TRIM75: variants seen among roughly 807,000 people sequenced by gnomAD.
TRIM75 encodes the protein tripartite motif-containing protein 75.
the TRIM75 span, chr4:165,059,141 C>T: frequency 1.6e-5 from 12 of 767,508 alleles, no homozygotes; most frequent in Non-Finnish European, 2.2e-5. Flanking sequence ...CCTTCACCGA[C>T]AGCCCAATGG....
chr4:165,055,650 G>A, the TRIM75 span, among the ~76,000 whole-genome samples: 2 of 152,278 alleles, frequency 1.3e-5, no homozygotes, highest in Non-Finnish European at 2.9e-5. Flanking sequence ...AGGCCAGAGG[G>A]GAAGCCTGAA....
At chr4:165,059,934 A>G in the TRIM75 span, 16 of 779,860 alleles carry the variant, frequency 2.1e-5, no homozygotes, top group Non-Finnish European at 3.8e-5. Context: ...AAATGAGAGT[A>G]GCCCATCGAT....
the TRIM75 span, chr4:165,059,822 C>T: frequency 1.3e-6 from 1 of 780,898 alleles, no homozygotes; most frequent in Non-Finnish European, 2.4e-6. Context: ...CATTTTCAAA[C>T]TACAGTGCCA....
the TRIM75 span, chr4:165,059,486 G>A: frequency 1.3e-6 from 1 of 780,914 alleles, no homozygotes; most frequent in Non-Finnish European, 2.4e-6. Flanking sequence ...AGGACCTGAT[G>A]GTGTTGTGTC....
chr4:165,060,333 GCAC>G, the TRIM75 span: 1 of 780,940 alleles, frequency 1.3e-6, no homozygotes, highest in East Asian at 2.4e-5. Flanking sequence ...TGGCTATCAT[GCAC>G]CAGGGGCTTT....
chr4:165,055,248 A>G, the TRIM75 span, among the ~76,000 whole-genome samples: 4 of 150,562 alleles, frequency 2.7e-5, no homozygotes, highest in Admixed American at 2.0e-4. Context: ...CACTAATGTT[A>G]CACGCGTGAG....
the TRIM75 span, chr4:165,060,105 AAG>A: frequency 1.3e-6 from 1 of 780,940 alleles, no homozygotes; most frequent in Non-Finnish European, 2.4e-6. Flanking sequence ...GAGATTTACA[AAG>A]AGAAAACAAA....
chr4:165,054,317 TG>T, the TRIM75 span, among the ~76,000 whole-genome samples: 11 of 147,756 alleles, frequency 7.4e-5, no homozygotes, highest in Non-Finnish European at 1.5e-4. Flanking sequence ...TTGCCCAGGC[TG>T]GAGTGCAGTG....
chr4:165,055,537 C>A, the TRIM75 span, among the ~76,000 whole-genome samples: 1 of 152,114 alleles, frequency 6.6e-6, no homozygotes, highest in Non-Finnish European at 1.5e-5. Context: ...CCCACCTTGG[C>A]CTCCCAAAGT....
the TRIM75 span, among the ~76,000 whole-genome samples, chr4:165,055,848 C>T: frequency 1.8e-3 from 273 of 151,468 alleles, no homozygotes; most frequent in Non-Finnish European, 3.1e-3. Flanking sequence ...TTTGGGAGGC[C>T]GATGCAGGTG....
the TRIM75 span, among the ~76,000 whole-genome samples, chr4:165,058,154 C>T: frequency 5.3e-5 from 8 of 151,510 alleles, no homozygotes; most frequent in South Asian, 1.7e-3. Context: ...GATTTTGAGC[C>T]ATCAGAAATA....
the TRIM75 span, chr4:165,059,093 G>T: frequency 2.6e-5 from 18 of 691,770 alleles, no homozygotes; most frequent in South Asian, 2.9e-4. Context: ...AGTACCCACA[G>T]AACTCAACCT....
chr4:165,056,443 C>T, the TRIM75 span, among the ~76,000 whole-genome samples: 1 of 151,870 alleles, frequency 6.6e-6, no homozygotes, highest in South Asian at 2.1e-4. Flanking sequence ...ATTTCTGATG[C>T]CATGGACTAT....
chr4:165,060,535 CA>C, the TRIM75 span: 1 of 762,212 alleles, frequency 1.3e-6, no homozygotes, highest in Non-Finnish European at 2.5e-6. Flanking sequence ...AGAATCTGTA[CA>C]GGGACAGTTT....
the TRIM75 span, chr4:165,059,290 A>G: frequency 2.6e-6 from 2 of 780,562 alleles, no homozygotes; most frequent in East Asian, 2.4e-5. Context: ...CTGGATCTAC[A>G]GGAATTGTTC....
chr4:165,060,525 A>G, the TRIM75 span: 6 of 776,170 alleles, frequency 7.7e-6, no homozygotes, highest in Admixed American at 5.1e-5. Context: ...ACAACCTCTC[A>G]GAATCTGTAC....
the TRIM75 span, among the ~76,000 whole-genome samples, chr4:165,056,602 CTTTTTTTTTTT>C: frequency 8.6e-3 from 601 of 69,996 alleles, 5 homozygotes; most frequent in Middle Eastern, 0.054. Context: ...GTCTCTGTCT[CTTTTTTTTTTT>C]TTTTTTTTTT....
the TRIM75 span, among the ~76,000 whole-genome samples, chr4:165,055,027 T>A: frequency 6.6e-6 from 1 of 152,108 alleles, no homozygotes; most frequent in African/African-American, 2.4e-5. Flanking sequence ...CTCCCTTTAT[T>A]TAACCACTAT....
the TRIM75 span, among the ~76,000 whole-genome samples, chr4:165,055,058 A>T: frequency 4.1e-4 from 62 of 152,070 alleles, no homozygotes; most frequent in African/African-American, 1.4e-3. Context: ...CAAAGGACAG[A>T]CTAAGGCCAG....
Sources: allele counts gnomAD v4.1 joint callset (sites outside exome capture counted in the v4.1 genomes callset), GRCh38; gene constraint gnomAD v4.1.1; transcripts MANE v1.5; gene names NCBI Gene and HGNC (gene_info 2026-07-23, HGNC 2026-07-21).